The following KAZN variants were observed in gnomAD, a reference collection of about 807,000 sequenced individuals.
KAZN encodes the protein kazrin.
Under a neutral mutation model 87.4 loss-of-function variants are expected in KAZN, and 40 were observed. The ratio of observed to expected loss-of-function variants is 0.46; its 90% CI spans 0.36 to 0.60. The LOEUF (loss-of-function observed/expected upper bound fraction) is 0.60. Among genes scored for constraint, KAZN ranks in the 20% least tolerant of loss-of-function variants. The pLI is 0.00. For synonymous variants in KAZN, 466 were observed against 458.3 expected (o/e 1.02, Z -0.22); for missense variants, 898 against 1,073.9 (o/e 0.84, Z 2.29).
intron 1 of KAZN, among the ~76,000 whole-genome samples, chr1:14,662,830 C>T (rs1242755374): frequency 6.7e-6 from 1 of 149,378 alleles, no homozygotes; most frequent in African/African-American, 2.5e-5. Context: ...CTGCCATGTG[C>T]CAAGTACTAA....
chr1:14,670,742 G>A (rs1235291538), intron 1 of KAZN, among the ~76,000 whole-genome samples: 4 of 152,190 alleles, frequency 2.6e-5, no homozygotes, highest in African/African-American at 9.7e-5. Context: ...CACAGATGCT[G>A]ATTCAGTAGG....
At chr1:14,356,137 T>A (rs924060870) in intron 2 of KAZN, among the ~76,000 whole-genome samples, 1 of 152,238 alleles carries the variant, frequency 6.6e-6, no homozygotes, top group African/African-American at 2.4e-5. Context: ...TGGTGTGAGA[T>A]GGTATCTCAC....
intron 1 of KAZN, among the ~76,000 whole-genome samples, chr1:14,127,463 A>C (rs990390371): frequency 5.3e-5 from 8 of 149,818 alleles, no homozygotes; most frequent in Non-Finnish European, 8.8e-5. Flanking sequence ...TTCACCTAAC[A>C]CTGGAGCCGT....
intron 1 of KAZN, among the ~76,000 whole-genome samples, chr1:14,731,662 G>A (rs969492339): frequency 1.3e-5 from 2 of 152,210 alleles, no homozygotes; most frequent in East Asian, 1.9e-4. Flanking sequence ...TGAGAAGCTC[G>A]AAAGAGGACA....
chr1:14,010,705 G>C (rs374547712), intron 1 of KAZN, among the ~76,000 whole-genome samples: 1 of 152,202 alleles, frequency 6.6e-6, no homozygotes. Flanking sequence ...TTTGATGCCA[G>C]GTGGCCAGAC....
intron 1 of KAZN, among the ~76,000 whole-genome samples, chr1:14,604,765 C>G (rs1434973723): frequency 6.6e-6 from 1 of 152,172 alleles, no homozygotes; most frequent in Admixed American, 6.5e-5. Context: ...AAGGTCCCTG[C>G]CCCTTTACTT....
At chr1:14,888,731 A>G (rs1572739004) in intron 1 of KAZN, among the ~76,000 whole-genome samples, 1 of 152,042 alleles carries the variant, frequency 6.6e-6, no homozygotes, top group African/African-American at 2.4e-5. Context: ...AATGACCCCA[A>G]CATCTCAATA....
chr1:14,281,740 G>A (rs1652849828), intron 2 of KAZN, among the ~76,000 whole-genome samples: 1 of 152,176 alleles, frequency 6.6e-6, no homozygotes, highest in African/African-American at 2.4e-5. Context: ...ACAGAACTTG[G>A]CATAGAGAAT....
intron 1 of KAZN, among the ~76,000 whole-genome samples, chr1:14,822,818 C>G (rs1472486412): frequency 6.6e-6 from 1 of 152,154 alleles, no homozygotes; most frequent in African/African-American, 2.4e-5. Flanking sequence ...CGGTGGCCCA[C>G]ACATGAAGAC....
At chr1:14,595,422 A>G (rs1676435126), upstream of KAZN, among the ~76,000 whole-genome samples, 1 of 152,038 alleles carries the variant, frequency 6.6e-6, no homozygotes, top group Non-Finnish European at 1.5e-5. Context: ...TCACGCCTGC[A>G]ATCCCAGCAC....
rs540880203 is a variant in KAZN at position 14,563,874 on chromosome 1, C to CTTTTTTTTTTT, written c.250-35105_250-35095dup. ...TGCACTCAGAGTATGGTTCAAACTC[C>CTTTTTTTTTTT]TTTTTTTTTTTTTTGTCTGAGACAG... On this transcript the variant is annotated intron_variant, in intron 2 of 16. Transcript: ENST00000636203. 2.0e-4 allele frequency among the ~76,000 whole-genome samples: 20 copies of CTTTTTTTTTTT among 97,928 alleles called. 2 individuals are homozygous for CTTTTTTTTTTT. The highest frequency in any genetic ancestry group is 4.4e-4 in the South Asian group (1 of 2,280). The allele number at this position is 97,928 out of a possible 152,430, so 64.2% of individuals were successfully genotyped here. A position where few individuals can be genotyped will look rare whatever the true frequency, so the allele number is the denominator to read the frequency against.
chr1:13,982,306 G>GT (rs950538821), intron 1 of KAZN, among the ~76,000 whole-genome samples: 1 of 152,184 alleles, frequency 6.6e-6, no homozygotes, highest in Non-Finnish European at 1.5e-5. Context: ...AACCCTCACG[G>GT]TGAGTGTTAC....
At chr1:14,032,266 CTT>C (rs1641361422) in intron 1 of KAZN, among the ~76,000 whole-genome samples, 1 of 152,192 alleles carries the variant, frequency 6.6e-6, no homozygotes, top group African/African-American at 2.4e-5. Context: ...CATTAACAAA[CTT>C]AACTTTGACA....
At chr1:14,299,999 AG>A (rs1654427257) in intron 2 of KAZN, among the ~76,000 whole-genome samples, 1 of 151,970 alleles carries the variant, frequency 6.6e-6, no homozygotes, top group East Asian at 1.9e-4. Flanking sequence ...TGGGGGTAGG[AG>A]GGGGAATATT....
chr1:15,017,225 G>A (rs1333922803), intron 2 of KAZN, among the ~76,000 whole-genome samples: 2 of 149,486 alleles, frequency 1.3e-5, no homozygotes, highest in Admixed American at 6.6e-5. Flanking sequence ...TTGAACCCAG[G>A]AGACAGAGGT....
chr1:15,007,809 G>T (rs777613013), intron 2 of KAZN, among the ~76,000 whole-genome samples: 1 of 152,138 alleles, frequency 6.6e-6, no homozygotes, highest in East Asian at 1.9e-4. Context: ...GAATGCCACC[G>T]CCCATTTCAC....
chr1:14,220,137 G>A (rs1047255822), intron 2 of KAZN, among the ~76,000 whole-genome samples: 2 of 152,004 alleles, frequency 1.3e-5, no homozygotes, highest in African/African-American at 2.4e-5. Flanking sequence ...TGTGCTCTCT[G>A]TGTTCTCCTG....
intron 2 of KAZN, among the ~76,000 whole-genome samples, chr1:14,512,989 C>A (rs5009206): frequency 0.66 from 100,747 of 152,016 alleles, 33,760 homozygotes; most frequent in South Asian, 0.72. Flanking sequence ...TTGTTTTCCT[C>A]ATCAGCCCAA....
At chr1:14,027,988 A>T (rs1250087914) in intron 1 of KAZN, among the ~76,000 whole-genome samples, 1 of 152,094 alleles carries the variant, frequency 6.6e-6, no homozygotes, top group African/African-American at 2.4e-5. Context: ...CTTTGTAGAG[A>T]TGGTGGGAAA....
Sources: gnomAD v4.1 joint callset for allele counts (sites outside exome capture counted in the v4.1 genomes callset) on GRCh38, gnomAD v4.1.1 for gene constraint, MANE v1.5 for transcripts, NCBI Gene and HGNC (gene_info 2026-07-23, HGNC 2026-07-21) for gene names.